HIVEP1: variants seen among roughly 807,000 people sequenced by gnomAD.
HIVEP1 encodes HIVEP zinc finger 1.
A neutral mutation model predicts 180.0 loss-of-function variants in HIVEP1; 36 were observed. The ratio of observed to expected loss-of-function variants is 0.20; its 90% CI spans 0.15 to 0.26. The LOEUF (loss-of-function observed/expected upper bound fraction) is 0.26, where lower values mean the gene tolerates loss of function less well. HIVEP1 is among the 10% of genes least tolerant of loss of function. The pLI, the probability that HIVEP1 is intolerant of heterozygous loss-of-function variation, is 1.00. For missense variants in HIVEP1, 3,143 were observed against 3,268.7 expected (o/e 0.96, Z 0.94); for synonymous variants, 1,239 against 1,239.0 (o/e 1.00, Z 0.00).
rs1767696439 is a variant in HIVEP1 at position 12,015,723 on chromosome 6, A to G, written c.40+55A>G. The stretch of plus-strand genomic sequence containing the variant: ...CTTGCTGTAAATCTTTTAACAAAGT[A>G]TCTCTTTGGTGACAGGAATGGCCGT... On this transcript the variant is annotated intron_variant, in intron 2 of 8. Transcript: ENST00000379388. The G allele has an allele frequency of 2.0e-6, 3 of 1,513,040 alleles. No individual in the cohort carries two copies. The South Asian group carries it at 3.5e-5, about 17-fold the overall frequency. 93.7% of individuals were successfully genotyped at this position (1,513,040 alleles called of 1,614,324 possible). A position where few individuals can be genotyped will look rare whatever the true frequency, so the allele number is the denominator to read the frequency against.
In HIVEP1 at chr6:12,121,951, C is replaced by T; in HGVS notation, c.2156C>T (p.Pro719Leu). Residue 719 changes from proline to leucine, a missense_variant, in exon 4 of 9, where the codon CCC (proline) becomes CTC (leucine). Physicochemically the swap from Pro to Leu is moderately conservative, Grantham distance 98. This residue lies in a region of HIVEP1 where 365 missense variants were observed against 344.4 expected (regional missense o/e 1.06). Coordinates refer to ENST00000379388, the MANE Select transcript of HIVEP1 (RefSeq NM_002114.4). The surrounding 1 kb of genome is among the most constrained non-coding windows in gnomAD (Gnocchi z 5.3). Reference sequence around the variant, plus strand: ...GCAGCTCTTGTCACCACGTCAACACCCTCTGCTTTGCCCACAGGGGAAAAG... The same window carrying T: ...GCAGCTCTTGTCACCACGTCAACACTCTCTGCTTTGCCCACAGGGGAAAAG... Reference protein sequence around the residue: ...PSAALVTTSTPSALPTGEKAL... With the variant: ...PSAALVTTSTLSALPTGEKAL... 1 of 1,614,144 alleles carries T rather than the reference C, an allele frequency of 6.2e-7. No individual in the cohort carries two copies. The highest frequency in any genetic ancestry group is 8.5e-7 in the Non-Finnish European group (1 of 1,180,024).
the HIVEP1 span, among the ~76,000 whole-genome samples, chr6:12,190,533 C>A: frequency 6.6e-6 from 1 of 152,156 alleles, no homozygotes; most frequent in Non-Finnish European, 1.5e-5. Flanking sequence ...ACTCTTTTGT[C>A]CCAACTCTGC....
chr6:12,101,368 G>T (rs1774101574), intron 3 of HIVEP1, among the ~76,000 whole-genome samples: 1 of 151,978 alleles, frequency 6.6e-6, no homozygotes, highest in African/African-American at 2.4e-5. Context: ...GTGTATTTTT[G>T]AACTGTAACA....
At position 12,042,229 on chromosome 6, in the gene HIVEP1, G is replaced by A. The variant is rs573945818; in HGVS notation, c.40+26561G>A. On this transcript the variant is annotated intron_variant, in intron 2 of 8. Transcript: ENST00000379388. ...CGAGTAGCTGGGACTACAGGCGCCCGCCACCGCGCCTGGCTAATTTTTTTT... is the reference window on the plus strand; with the variant it reads ...CGAGTAGCTGGGACTACAGGCGCCCACCACCGCGCCTGGCTAATTTTTTTT... Among the ~76,000 whole-genome samples the A allele has an allele frequency of 1.3e-4, 19 of 150,332 alleles. 1 individual carries two copies. The South Asian group carries it at 2.7e-3, about 21-fold the overall frequency.
chr6:12,176,738 T>C, the HIVEP1 span, among the ~76,000 whole-genome samples: 1 of 152,196 alleles, frequency 6.6e-6, no homozygotes, highest in Non-Finnish European at 1.5e-5. Flanking sequence ...TATTAGACCT[T>C]TGTCAGATGC....
chr6:12,034,596 A>C (rs1769161538), intron 2 of HIVEP1, among the ~76,000 whole-genome samples: 1 of 152,240 alleles, frequency 6.6e-6, no homozygotes, highest in Non-Finnish European at 1.5e-5. Context: ...GAAAACTGTC[A>C]GGAGAGACTG....
chr6:12,186,399 A>C, the HIVEP1 span, among the ~76,000 whole-genome samples: 1 of 151,990 alleles, frequency 6.6e-6, no homozygotes, highest in Non-Finnish European at 1.5e-5. Flanking sequence ...GTCAGAAGGC[A>C]GATCAGTGGT....
At chr6:12,044,700 T>G (rs1302801194) in intron 2 of HIVEP1, among the ~76,000 whole-genome samples, 2 of 137,508 alleles carry the variant, frequency 1.5e-5, no homozygotes, top group African/African-American at 5.6e-5. Flanking sequence ...CTGAGGGCTT[T>G]CTGTCCCCCA....
intron 2 of HIVEP1, among the ~76,000 whole-genome samples, chr6:12,080,035 T>C (rs1024480162): frequency 1.3e-5 from 2 of 152,170 alleles, no homozygotes; most frequent in Non-Finnish European, 2.9e-5. Context: ...GTTTTATTAA[T>C]AAATGAGTTA....
chr6:12,181,960 C>G, the HIVEP1 span, among the ~76,000 whole-genome samples: 1 of 152,174 alleles, frequency 6.6e-6, no homozygotes, highest in African/African-American at 2.4e-5. Context: ...GTGATCAGAG[C>G]CGAGATATGG....
Position 12,046,139 on chromosome 6 carries a change from A to C in HIVEP1, c.40+30471A>C, listed in dbSNP as rs183914436. Among the ~76,000 whole-genome samples, 80 of 152,364 alleles carry C rather than the reference A, an allele frequency of 5.3e-4. 4 individuals are homozygous for C. The East Asian group carries it at 0.012, about 23-fold the overall frequency. On this transcript the variant is annotated intron_variant, in intron 2 of 8. Coordinates refer to ENST00000379388, the MANE Select transcript of HIVEP1 (RefSeq NM_002114.4). ...AGAAAAATTACACCTTGATTGTTTT[A>C]AGTATCTGAATTACCTTTGTAGATT...
chr6:12,205,432 C>T, the HIVEP1 span, among the ~76,000 whole-genome samples: 1 of 151,698 alleles, frequency 6.6e-6, no homozygotes, highest in South Asian at 2.1e-4. Context: ...GATTGCGCCA[C>T]TGCACTCCAG....
At chr6:12,040,439 T>C (rs982287724) in intron 2 of HIVEP1, among the ~76,000 whole-genome samples, 1 of 152,254 alleles carries the variant, frequency 6.6e-6, no homozygotes, top group Non-Finnish European at 1.5e-5. Flanking sequence ...CATATCTTTT[T>C]AAATACGTAA....
chr6:12,137,237 TTATTA>T (rs1195484529), intron 7 of HIVEP1, among the ~76,000 whole-genome samples: 20 of 152,236 alleles, frequency 1.3e-4, no homozygotes, highest in African/African-American at 4.8e-4. Context: ...GGTAAAGCTA[TTATTA>T]TAGTATATAC....
intron 1 of HIVEP1, among the ~76,000 whole-genome samples, chr6:12,013,134 T>C (rs1443587087): frequency 1.3e-5 from 2 of 152,124 alleles, no homozygotes; most frequent in African/African-American, 2.4e-5. Flanking sequence ...GCTGCCGCGC[T>C]CGCCTCATCT....
chr6:12,095,969 A>C (rs1325989430), intron 3 of HIVEP1, among the ~76,000 whole-genome samples: 2 of 152,020 alleles, frequency 1.3e-5, no homozygotes, highest in Non-Finnish European at 2.9e-5. Flanking sequence ...TGTTACGATG[A>C]TCCAGGATAA....
At chr6:12,046,650 G>A (rs1312975318) in intron 2 of HIVEP1, among the ~76,000 whole-genome samples, 3 of 151,840 alleles carry the variant, frequency 2.0e-5, no homozygotes, top group African/African-American at 4.8e-5. Context: ...ATGGTGGCGC[G>A]TGCCTGTAGT....
intron 2 of HIVEP1, among the ~76,000 whole-genome samples, chr6:12,028,610 T>A (rs1370784707): frequency 6.6e-6 from 1 of 152,248 alleles, no homozygotes; most frequent in Non-Finnish European, 1.5e-5. Flanking sequence ...TAAGTTGTAT[T>A]TGATGGATAT....
downstream of HIVEP1, among the ~76,000 whole-genome samples, chr6:12,167,688 TATATATAC>T (rs1236861170): frequency 9.6e-4 from 19 of 19,754 alleles, no homozygotes; most frequent in East Asian, 6.9e-3. Flanking sequence ...ATGTGTATAA[TATATATAC>T]ATATATACAT....
Sources: allele counts gnomAD v4.1 joint callset (sites outside exome capture counted in the v4.1 genomes callset), GRCh38; gene constraint gnomAD v4.1.1; regional missense constraint gnomAD v4.1.1; non-coding constraint Gnocchi (gnomAD v3.1); transcripts MANE v1.5; gene names NCBI Gene and HGNC (gene_info 2026-07-23, HGNC 2026-07-21).